The following KDM2A variants were observed in gnomAD, a reference collection of about 807,000 sequenced individuals.
KDM2A encodes the protein lysine-specific demethylase 2A.
KDM2A carries 3 observed loss-of-function variants against 137.3 expected under a neutral mutation model. The observed-to-expected ratio is 0.02, with a 90% CI of 0.01 to 0.06. The LOEUF (loss-of-function observed/expected upper bound fraction) is 0.06, where lower values mean the gene tolerates loss of function less well. KDM2A is among the 10% of genes least tolerant of loss of function. The probability of loss-of-function intolerance (pLI) is 1.00; values close to 1 mark genes in which losing one functional copy is unlikely to be tolerated. For missense variants in KDM2A, 738 were observed against 1,510.6 expected, an observed-to-expected ratio of 0.49 and a Z score of 8.48; for synonymous variants, 512 against 541.5, an observed-to-expected ratio of 0.95 and a Z score of 0.76.
intron 2 of KDM2A, among the ~76,000 whole-genome samples, chr11:67,173,625 G>A (rs938272735): frequency 2.6e-5 from 4 of 151,980 alleles, no homozygotes; most frequent in African/African-American, 9.7e-5. Context: ...CTGGGCCAAA[G>A]TCATCTGCCC....
chr11:67,221,566 A>G (rs1032436001), intron 10 of KDM2A, among the ~76,000 whole-genome samples: 1 of 152,166 alleles, frequency 6.6e-6, no homozygotes, highest in African/African-American at 2.4e-5. Context: ...CACATCATTG[A>G]TATTATTGTT....
chr11:67,156,918 G>C (rs187604540), intron 2 of KDM2A, among the ~76,000 whole-genome samples: 1 of 151,832 alleles, frequency 6.6e-6, no homozygotes, highest in Admixed American at 6.6e-5. Flanking sequence ...AGGAGCTTCA[G>C]TGCCCACAAA....
rs1299755374 is a variant in KDM2A at position 67,250,669 on chromosome 11, G to A, written c.2639G>A (p.Gly880Asp). ...AEEGGAARLNGRGSWAQDGDE... is the reference protein window; with the variant it reads ...AEEGGAARLNDRGSWAQDGDE... ...GAGGGGGGTGCAGCCAGGCTGAATG[G>A]CCGGGGCAGTTGGGCTCAGGATGGA... The change falls in exon 17 of 21, where the codon GGC becomes GAC. Residue 880 changes from glycine to aspartate, a missense_variant. Around this residue, in one of 9 missense-constraint regions of KDM2A, gnomAD observed 244 missense variants for 324.6 expected, o/e 0.75. Coordinates refer to ENST00000529006, the MANE Select transcript of KDM2A (RefSeq NM_012308.3). This position sits in a 1 kb window ranked among gnomAD's most constrained non-coding sequence, Gnocchi z 7.1. 2.5e-6 allele frequency: 4 copies of A among 1,606,046 alleles called. No individual in the cohort carries two copies. Among genetic ancestry groups the A allele is most frequent in the Non-Finnish European group, 3.4e-6 (4 of 1,175,024 alleles).
intron 2 of KDM2A, among the ~76,000 whole-genome samples, chr11:67,141,438 G>A (rs1408726443): frequency 1.3e-5 from 2 of 151,602 alleles, no homozygotes; most frequent in East Asian, 1.9e-4. Flanking sequence ...AGGCCAAGGC[G>A]GGCGGATCAT....
At chr11:67,170,233 G>GT (rs1207937006) in intron 2 of KDM2A, among the ~76,000 whole-genome samples, 2 of 152,046 alleles carry the variant, frequency 1.3e-5, no homozygotes, top group Non-Finnish European at 2.9e-5. Flanking sequence ...ACAACCAGTA[G>GT]TTTGTCAACG....
chr11:67,134,035 A>C (rs1268853033), intron 2 of KDM2A, among the ~76,000 whole-genome samples: 1 of 152,196 alleles, frequency 6.6e-6, no homozygotes, highest in African/African-American at 2.4e-5. Flanking sequence ...TCCTTGTTGA[A>C]GTTGTACAGT....
Position 67,181,332 on chromosome 11 carries a change from A to C in KDM2A, c.194A>C (p.Glu65Ala). ...TFMEGKDFNV[E>A]YIQRGGLRDP... ...CCTATGGTGACAGATTTTAATGTAG[A>C]GTATATTCAGCGGGGTGGCTTGAGA... The change falls in exon 4 of 21, where the codon GAG (glutamate) becomes GCG (alanine). Residue 65 changes from glutamate to alanine, a missense_variant. By Grantham distance (107) the Glu-to-Ala change is moderately radical. Transcript: ENST00000529006. 2 of 1,607,162 alleles carry C rather than the reference A, an allele frequency of 1.2e-6. No individual in the cohort carries two copies. The highest frequency in any genetic ancestry group is 1.7e-6 in the Non-Finnish European group (2 of 1,174,570).
chr11:67,169,390 T>C (rs1185422356), intron 2 of KDM2A, among the ~76,000 whole-genome samples: 1 of 150,964 alleles, frequency 6.6e-6, no homozygotes, highest in Non-Finnish European at 1.5e-5. Flanking sequence ...CTTTTTTTTT[T>C]TTTTTTGAGA....
chr11:67,127,322 T>A (rs1371089647), intron 2 of KDM2A, among the ~76,000 whole-genome samples: 2 of 151,546 alleles, frequency 1.3e-5, no homozygotes, highest in Non-Finnish European at 2.9e-5. Flanking sequence ...GCTGGTCTGG[T>A]TTTTTTTGCT....
chr11:67,189,214 C>G (rs923463110), intron 5 of KDM2A, among the ~76,000 whole-genome samples: 9 of 152,112 alleles, frequency 5.9e-5, no homozygotes, highest in African/African-American at 2.2e-4. Flanking sequence ...AGTATCTTCT[C>G]CAACCACAAT....
intron 4 of KDM2A, among the ~76,000 whole-genome samples, 195 bp downstream of exon 4, chr11:67,181,593 C>CAAA (rs367906544): frequency 7.7e-6 from 1 of 129,140 alleles, no homozygotes; most frequent in African/African-American, 2.8e-5. Flanking sequence ...ATAGATGAAC[C>CAAA]AAAAAAAAAA....
intron 10 of KDM2A, among the ~76,000 whole-genome samples, chr11:67,226,388 T>C (rs1272112467): frequency 6.6e-6 from 1 of 152,304 alleles, no homozygotes; most frequent in East Asian, 1.9e-4. Context: ...TAGAAATAAC[T>C]CCAAAGACAG....
At chr11:67,142,522 G>A (rs1302132875) in intron 2 of KDM2A, among the ~76,000 whole-genome samples, 2 of 142,698 alleles carry the variant, frequency 1.4e-5, no homozygotes, top group Non-Finnish European at 3.1e-5. Context: ...GTGGTGGCAG[G>A]TGCCTGTAAT....
intron 3 of KDM2A, 155 bp downstream of exon 3, chr11:67,180,372 T>A: frequency 1.6e-6 from 1 of 630,008 alleles, no homozygotes; most frequent in African/African-American, 1.9e-5. Flanking sequence ...CATGCACTTA[T>A]CCCCCAGTCC....
At chr11:67,174,989 G>A (rs1344903343) in intron 2 of KDM2A, among the ~76,000 whole-genome samples, 3 of 152,144 alleles carry the variant, frequency 2.0e-5, no homozygotes, top group Admixed American at 6.5e-5. Context: ...TATATGAAAA[G>A]CATCTAGAAT....
chr11:67,138,955 T>C (rs1856032362), intron 2 of KDM2A, among the ~76,000 whole-genome samples: 1 of 152,244 alleles, frequency 6.6e-6, no homozygotes. Context: ...CTTAAAGTTA[T>C]TTTAAAATCG....
In KDM2A at chr11:67,123,082, A is replaced by G. The variant is rs1307969957; in HGVS notation, c.42+1724A>G. Among the ~76,000 whole-genome samples the G allele has an allele frequency of 1.2e-4, 18 of 151,888 alleles. 2 individuals are homozygous for G. In the South Asian group the frequency reaches 3.7e-3, roughly 32 times the overall value. On this transcript the variant is annotated intron_variant, in intron 2 of 20. Transcript: ENST00000529006. ...AATTCCTGGGCTCAAGCAATCTTCC[A>G]TTCCAGCCTCCTGAGTAGCTGGGAC...
intron 2 of KDM2A, among the ~76,000 whole-genome samples, chr11:67,145,935 A>G (rs1338002194): frequency 3.7e-5 from 5 of 133,918 alleles, no homozygotes; most frequent in Non-Finnish European, 8.1e-5. Flanking sequence ...GATTTTCAAC[A>G]TGTTTCTCTG....
At chr11:67,150,182 T>C (rs1487914897) in intron 2 of KDM2A, among the ~76,000 whole-genome samples, 2 of 152,214 alleles carry the variant, frequency 1.3e-5, no homozygotes, top group Admixed American at 6.5e-5. Flanking sequence ...TACAGCTGTT[T>C]AGCCCGGAAA....
Sources: gnomAD v4.1 joint callset for allele counts (sites outside exome capture counted in the v4.1 genomes callset) on GRCh38, gnomAD v4.1.1 for gene constraint, gnomAD v4.1.1 regional missense constraint, Gnocchi (gnomAD v3.1) non-coding constraint, MANE v1.5 for transcripts, NCBI Gene and HGNC (gene_info 2026-07-23, HGNC 2026-07-21) for gene names.